Variants in BLVRB observed in about 807,000 individuals in gnomAD.
BLVRB encodes biliverdin reductase B, also known as flavin reductase (NADPH).
Under a neutral mutation model 21.1 loss-of-function variants are expected in BLVRB, and 25 were observed. The ratio of observed to expected loss-of-function variants is 1.19; its 90% confidence interval spans 0.86 to 1.66. BLVRB has a LOEUF of 1.66. Among genes scored for constraint, BLVRB ranks in the 40% most tolerant of loss-of-function variants. BLVRB has a pLI of 0.00. For synonymous variants in BLVRB, 128 were observed against 122.2 expected (o/e 1.05, Z -0.31); for missense variants, 274 against 282.7 (o/e 0.97, Z 0.22).
intron 1 of BLVRB, 73 bp downstream of exon 1, chr19:40,465,537 C>A (rs1222392925): frequency 9.1e-6 from 14 of 1,536,522 alleles, no homozygotes; most frequent in Admixed American, 3.9e-5. Context: ...AGCCTCGGCC[C>A]GACCCCATGG....
In BLVRB at chr19:40,448,039, C is replaced by T. The variant is rs199713428; in HGVS notation, c.471G>A (p.Gln157=). The T allele has an allele frequency of 6.2e-7, 1 of 1,612,882 alleles. No homozygotes were observed. The highest frequency in any genetic ancestry group is 1.3e-5 in the African/African-American group (1 of 75,014). Reference sequence around the variant, plus strand: ...TCACTGTGTACGCCCCAGTTAGTGGCTGGTCTCCTATGAAGTAAAGACAAG... The same window carrying T: ...TCACTGTGTACGCCCCAGTTAGTGGTTGGTCTCCTATGAAGTAAAGACAAG... ...VAVMPPHIGD[Q]PLTGAYTVTL... is the part of the protein sequence containing the mutation. Residue 157 remains glutamine, a synonymous_variant, in exon 5 of 5, where the codon CAG becomes CAA. Coordinates refer to ENST00000263368, the MANE Select transcript of BLVRB (RefSeq NM_000713.3).
chr19:40,459,437 C>A (rs1246731501), intron 1 of BLVRB, among the ~76,000 whole-genome samples: 1 of 146,828 alleles, frequency 6.8e-6, no homozygotes, highest in African/African-American at 2.5e-5. Context: ...AAATTCCTTA[C>A]CTTCTATTTA....
At chr19:40,450,901 C>T (rs1460048171) in intron 4 of BLVRB, among the ~76,000 whole-genome samples, 1 of 150,166 alleles carries the variant, frequency 6.7e-6, no homozygotes, top group Non-Finnish European at 1.5e-5. Flanking sequence ...TAATCTCTAT[C>T]TCCCATACTA....
Position 40,458,477 on chromosome 19 carries a change from C to T in BLVRB, c.148G>A (p.Val50Met), listed in dbSNP as rs776057942. ...GCCTGCAGAACATCTCCCACTACCA[C>T]GTGGGCCGGCCGGGGCCCCTCTGAT... ...LPSEGPRPAH[V>M]VVGDVLQAAD... Residue 50 changes from valine to methionine, a missense_variant, in exon 2 of 5, where the codon GTG becomes ATG. Val to Met is a conservative substitution (Grantham distance 21). Coordinates refer to ENST00000263368, the MANE Select transcript of BLVRB (RefSeq NM_000713.3). The T allele has an allele frequency of 1.1e-5, 17 of 1,608,614 alleles. No homozygotes were observed. Among genetic ancestry groups the T allele is most frequent in the East Asian group, 9.0e-5 (4 of 44,690 alleles).
intron 3 of BLVRB, among the ~76,000 whole-genome samples, chr19:40,456,491 A>G (rs2079762756): frequency 6.6e-6 from 1 of 151,942 alleles, no homozygotes; most frequent in African/African-American, 2.4e-5. Context: ...TTAGAAAACA[A>G]TCTAAACAAA....
chr19:40,464,720 T>C (rs1391724558), intron 1 of BLVRB, among the ~76,000 whole-genome samples: 1 of 152,338 alleles, frequency 6.6e-6, no homozygotes, highest in East Asian at 1.9e-4. Context: ...GGGAGAGTTA[T>C]GGACCTAGAG....
intron 3 of BLVRB, chr19:40,457,859 C>T: frequency 2.5e-6 from 1 of 407,076 alleles, no homozygotes; most frequent in South Asian, 4.7e-5. Flanking sequence ...GTAGTTTCTC[C>T]CATTGTGGCC....
chr19:40,465,580 G>A (rs981802079), intron 1 of BLVRB, 30 bp downstream of exon 1: 11 of 1,597,548 alleles, frequency 6.9e-6, no homozygotes, highest in South Asian at 2.3e-5. Context: ...CGTCTGTCCC[G>A]TGACATGCCC....
intron 1 of BLVRB, among the ~76,000 whole-genome samples, chr19:40,461,407 A>G (rs940420942): frequency 1.3e-5 from 2 of 151,656 alleles, no homozygotes; most frequent in African/African-American, 2.4e-5. Flanking sequence ...GATAAAACCC[A>G]TGCTCCTCAT....
At chr19:40,461,343 A>T (rs2079786668) in intron 1 of BLVRB, among the ~76,000 whole-genome samples, 1 of 152,062 alleles carries the variant, frequency 6.6e-6, no homozygotes, top group South Asian at 2.1e-4. Context: ...TCTCCACAGT[A>T]ATATTTAAGT....
intron 4 of BLVRB, among the ~76,000 whole-genome samples, chr19:40,449,246 A>AT (rs914349413): frequency 1.8e-4 from 27 of 148,214 alleles, no homozygotes; most frequent in African/African-American, 2.2e-4. Context: ...AGTGGGTTGA[A>AT]TTTTTTTTTT....
At position 40,447,867 on chromosome 19, in the gene BLVRB, C is replaced by G. The variant is rs375620073; in HGVS notation, c.*22G>C. 3 of 1,596,896 alleles carry G rather than the reference C, an allele frequency of 1.9e-6. No individual in the cohort carries two copies. The African/African-American group carries it at 4.0e-5, about 21-fold the overall frequency. The stretch of plus-strand genomic sequence containing the variant: ...TGCTCCTCATGTCCCAGAATGCCAC[C>G]CTCCCAGATGGGGACAGAGTGCTAC... On this transcript the variant is annotated 3_prime_UTR_variant, in exon 5 of 5. Coordinates refer to ENST00000263368, the MANE Select transcript of BLVRB (RefSeq NM_000713.3).
chr19:40,458,298 TGGCAGGGGC>T, intron 2 of BLVRB, 54 bp from the exon 3 acceptor site: 1 of 476,396 alleles, frequency 2.1e-6, no homozygotes, highest in Non-Finnish European at 3.1e-6. Context: ...GCGGCAGGGG[TGGCAGGGGC>T]GGGGCCGGGG....
intron 1 of BLVRB, among the ~76,000 whole-genome samples, chr19:40,462,669 A>T (rs925529626): frequency 3.4e-5 from 5 of 148,252 alleles, no homozygotes; most frequent in Non-Finnish European, 7.5e-5. Flanking sequence ...AGGCGGGCGG[A>T]TCATGAGGTC....
intron 2 of BLVRB, 60 bp downstream of exon 2, chr19:40,458,321 G>A (rs1392291371): frequency 1.3e-6 from 2 of 1,516,512 alleles, no homozygotes; most frequent in African/African-American, 1.4e-5. Context: ...GCCGGGGGCG[G>A]GGGTGGCGCT....
At chr19:40,462,908 A>C (rs971835226) in intron 1 of BLVRB, among the ~76,000 whole-genome samples, 3 of 151,238 alleles carry the variant, frequency 2.0e-5, no homozygotes, top group African/African-American at 7.3e-5. Flanking sequence ...AAAAAAAAAA[A>C]AAAAAAAAAA....
intron 1 of BLVRB, among the ~76,000 whole-genome samples, chr19:40,465,158 G>A (rs1248690016): frequency 6.6e-6 from 1 of 152,168 alleles, no homozygotes; most frequent in South Asian, 2.1e-4. Context: ...ACAGCTGTGT[G>A]ATATTGGGCA....
chr19:40,447,927 C>T lies in BLVRB; in HGVS notation c.583G>A (p.Asp195Asn), dbSNP rs376563591. The change falls in exon 5 of 5, where the codon GAC becomes AAC. Residue 195 changes from aspartate to asparagine, a missense_variant. Coordinates refer to ENST00000263368, the MANE Select transcript of BLVRB (RefSeq NM_000713.3). Reference sequence around the variant, plus strand: ...TGGGAGGGGTAGGTGCTGTGTCCGTCGTACTCATCGGTGGTGAGGCAGCGC... The same window carrying T: ...TGGGAGGGGTAGGTGCTGTGTCCGTTGTACTCATCGGTGGTGAGGCAGCGC... ...MLRCLTTDEY[D>N]GHSTYPSHQY... 20 of 1,613,946 alleles carry T rather than the reference C, an allele frequency of 1.2e-5. No individual in the cohort carries two copies. Among genetic ancestry groups the T allele is most frequent in the Middle Eastern group, 1.6e-4 (1 of 6,082 alleles).
intron 1 of BLVRB, among the ~76,000 whole-genome samples, chr19:40,459,391 T>C (rs1389531869): frequency 2.1e-5 from 2 of 97,082 alleles, no homozygotes; most frequent in Admixed American, 2.4e-4. Flanking sequence ...AATTCATAAA[T>C]AATCTGAACT....
Sources: gnomAD v4.1 joint callset for allele counts (sites outside exome capture counted in the v4.1 genomes callset) on GRCh38, gnomAD v4.1.1 for gene constraint, MANE v1.5 for transcripts, NCBI Gene and HGNC (gene_info 2026-07-23, HGNC 2026-07-21) for gene names.